Variants in OTOGL observed in about 807,000 individuals in gnomAD.
OTOGL encodes the protein otogelin like, also known as otogelin-like protein.
Under a neutral mutation model 318.5 loss-of-function variants are expected in OTOGL, and 285 were observed. That is an observed-to-expected ratio of 0.89 (90% confidence interval 0.81 to 0.99). The LOEUF is 0.99. OTOGL is among the 50% of genes least tolerant of loss of function. OTOGL has a pLI of 0.00. For missense variants in OTOGL, 2,899 were observed against 2,845.6 expected, an observed-to-expected ratio of 1.02 and a Z score of -0.43; for synonymous variants, 987 against 936.5, an observed-to-expected ratio of 1.05 and a Z score of -0.99.
chr12:80,240,666 C>T (rs1880299507), intron 11 of OTOGL, among the ~76,000 whole-genome samples: 1 of 151,966 alleles, frequency 6.6e-6, no homozygotes, highest in Admixed American at 6.6e-5. Flanking sequence ...GATGTGTTGC[C>T]TATAGGCACA....
At chr12:80,109,367 G>T (rs1443088390) in intron 1 of OTOGL, among the ~76,000 whole-genome samples, 1 of 151,930 alleles carries the variant, frequency 6.6e-6, no homozygotes, top group Non-Finnish European at 1.5e-5. Flanking sequence ...TTTTCATTCG[G>T]GGAGAAATGT....
chr12:80,353,660 T>C, intron 46 of OTOGL, 150 bp downstream of exon 46: 1 of 668,868 alleles, frequency 1.5e-6, no homozygotes, highest in Non-Finnish European at 2.2e-6. Context: ...GATTTTAATA[T>C]GATTTCAAGA....
rs1374803357 is a variant in OTOGL at position 80,379,429 on chromosome 12, C to A, written c.*1381C>A. On this transcript the variant is annotated 3_prime_UTR_variant, in exon 59 of 59. Coordinates refer to ENST00000547103, the MANE Select transcript of OTOGL (RefSeq NM_001378609.3). ...GCAACTTACTGAATATTTTAGATCTCTTGGGTTACTTAAATATGTGTGAAA... is the reference window on the plus strand; with the variant it reads ...GCAACTTACTGAATATTTTAGATCTATTGGGTTACTTAAATATGTGTGAAA... 6.8e-6 allele frequency: 1 copy of A among 147,516 alleles called. No individual in the cohort carries two copies. Among genetic ancestry groups the A allele is most frequent in the East Asian group, 2.0e-4 (1 of 5,014 alleles). The allele number at this position is 147,516 out of a possible 1,614,324, so 9.1% of individuals were successfully genotyped here. A position where few individuals can be genotyped will look rare whatever the true frequency, so the allele number is the denominator to read the frequency against.
At chr12:80,246,325 G>A (rs1592600229) in intron 11 of OTOGL, among the ~76,000 whole-genome samples, 1 of 146,422 alleles carries the variant, frequency 6.8e-6, no homozygotes, top group African/African-American at 2.7e-5. Context: ...TTATTATTTT[G>A]AAATACGTCC....
chr12:80,252,788 G>A lies in OTOGL; in HGVS notation c.1285+587G>A, dbSNP rs374802786. Among the ~76,000 whole-genome samples the A allele has an allele frequency of 3.9e-5, 6 of 152,076 alleles. No homozygotes were observed. In the East Asian group the frequency reaches 1.2e-3, roughly 29 times the overall value. On this transcript the variant is annotated intron_variant, in intron 13 of 58. Transcript: ENST00000547103. The stretch of plus-strand genomic sequence containing the variant: ...GATTACTTGGAACCAGATCTGTTTG[G>A]CCTCTGCTCATTGTTCTGTTAGTGC...
rs1349269279 is a variant in OTOGL, at chr12:80,149,683, A to C, written c.-20+50078A>C. Among the ~76,000 whole-genome samples the C allele has an allele frequency of 3.3e-5, 5 of 152,246 alleles. No homozygotes were observed. In the East Asian group the frequency reaches 9.7e-4, roughly 29 times the overall value. On this transcript the variant is annotated intron_variant, in intron 1 of 58. Transcript: ENST00000547103. The stretch of plus-strand genomic sequence containing the variant: ...TCCCCCAGCCTCGCTGCCGCCTTGC[A>C]GTTTGATCTCAGACTGCTGTGCTAG...
chr12:80,109,295 C>T (rs1306350769), intron 1 of OTOGL, among the ~76,000 whole-genome samples: 1 of 152,114 alleles, frequency 6.6e-6, no homozygotes, highest in African/African-American at 2.4e-5. Context: ...TTTGTATTGA[C>T]ATGAATTCTA....
chr12:80,219,738 G>T (rs1490482216), intron 5 of OTOGL, 76 bp from the exon 6 acceptor site: 1 of 918,244 alleles, frequency 1.1e-6, no homozygotes, highest in African/African-American at 1.7e-5. Flanking sequence ...ATTTGTCCAA[G>T]CTATATCTTG....
chr12:80,356,754 G>A (rs1279971694), intron 48 of OTOGL, 53 bp from the exon 49 acceptor site: 5 of 1,130,812 alleles, frequency 4.4e-6, no homozygotes, highest in African/African-American at 3.2e-5. Context: ...TAAACACTAT[G>A]TCATTTTTTT....
chr12:80,278,348 T>A, intron 25 of OTOGL, 73 bp downstream of exon 25: 2 of 1,215,486 alleles, frequency 1.6e-6, no homozygotes, highest in Non-Finnish European at 2.3e-6. Flanking sequence ...TTTATTTATT[T>A]AATGAGACTG....
intron 1 of OTOGL, among the ~76,000 whole-genome samples, chr12:80,188,211 T>G (rs1875428398): frequency 6.6e-6 from 1 of 152,184 alleles, no homozygotes; most frequent in African/African-American, 2.4e-5. Context: ...AATTTTATGT[T>G]CTGGGGATTA....
At chr12:80,217,141 T>G (rs1455184420) in intron 4 of OTOGL, among the ~76,000 whole-genome samples, 3 of 150,180 alleles carry the variant, frequency 2.0e-5, no homozygotes, top group South Asian at 4.2e-4. Flanking sequence ...GCCCCATGCA[T>G]TTTTTTTTTC....
chr12:80,179,520 G>A (rs1052094294), intron 1 of OTOGL, among the ~76,000 whole-genome samples: 1 of 152,220 alleles, frequency 6.6e-6, no homozygotes, highest in Non-Finnish European at 1.5e-5. Flanking sequence ...GGGATAAAGA[G>A]TGTTATAATG....
intron 50 of OTOGL, 50 bp from the exon 51 acceptor site, chr12:80,358,621 A>C: frequency 1.4e-6 from 2 of 1,418,958 alleles, no homozygotes; most frequent in Non-Finnish European, 2.0e-6. Flanking sequence ...GGTAATGAGA[A>C]ATGGCAACTC....
intron 1 of OTOGL, among the ~76,000 whole-genome samples, chr12:80,186,138 G>A (rs1158592375): frequency 3.3e-5 from 5 of 152,182 alleles, no homozygotes; most frequent in South Asian, 2.1e-4. Context: ...CACATCTCAC[G>A]CTCTCTGAAG....
chr12:80,153,422 A>T (rs1417590597), intron 1 of OTOGL, among the ~76,000 whole-genome samples: 1 of 152,218 alleles, frequency 6.6e-6, no homozygotes, highest in African/African-American at 2.4e-5. Context: ...AGTTTTCAAC[A>T]TAAGAATTTG....
intron 1 of OTOGL, among the ~76,000 whole-genome samples, chr12:80,141,914 C>T (rs1871970579): frequency 6.6e-6 from 1 of 151,968 alleles, no homozygotes; most frequent in South Asian, 2.1e-4. Flanking sequence ...TAAGAGAGTA[C>T]CCTCATGGCC....
intron 46 of OTOGL, 131 bp downstream of exon 46, chr12:80,353,641 T>C (rs1342616914): frequency 8.0e-6 from 6 of 753,574 alleles, no homozygotes; most frequent in Admixed American, 3.9e-5. Flanking sequence ...ATGAGTTTGT[T>C]TGTAGTTTGA....
In OTOGL at chr12:80,377,860, T is replaced by C; in HGVS notation, c.6874T>C (p.Ser2292Pro). The C allele has an allele frequency of 6.2e-7, 1 of 1,608,302 alleles. No homozygotes were observed. The highest frequency in any genetic ancestry group is 8.5e-7 in the Non-Finnish European group (1 of 1,175,872). ...TCACTTCTTACAGATAAATGTTGCA[T>C]CTTGTGACGGCAAATGCCCATCAGC... ...CMSQSPINVA[S>P]CDGKCPSATI... The change falls in exon 59 of 59, where the codon TCT (serine) becomes CCT (proline). Residue 2292 changes from serine (S) to proline (P), a missense_variant. By Grantham distance (74) the Ser-to-Pro change is moderately conservative (BLOSUM62 -1). This residue lies in a region of OTOGL where 289 missense variants were observed against 304.6 expected (regional missense o/e 0.95). Transcript: ENST00000547103.
Sources: gnomAD v4.1 joint callset for allele counts (sites outside exome capture counted in the v4.1 genomes callset) on GRCh38, gnomAD v4.1.1 for gene constraint, gnomAD v4.1.1 regional missense constraint, MANE v1.5 for transcripts, NCBI Gene and HGNC (gene_info 2026-07-23, HGNC 2026-07-21) for gene names.